Variants in POT1 observed in about 807,000 individuals in gnomAD.
POT1 encodes the protein protection of telomeres protein 1.
In POT1, 47 loss-of-function variants were observed where a neutral mutation model predicts 78.5. That is an observed-to-expected ratio of 0.60 (90% CI 0.47 to 0.76). The LOEUF (loss-of-function observed/expected upper bound fraction) is 0.76, where lower values mean the gene tolerates loss of function less well. Ranked by LOEUF, POT1 falls within the 30% of genes least tolerant of loss-of-function variation. The pLI is 0.00. For missense variants in POT1, 646 were observed against 749.9 expected (o/e 0.86, Z 1.62); for synonymous variants, 259 against 260.7 (o/e 0.99, Z 0.06).
intron 3 of POT1, among the ~76,000 whole-genome samples, chr7:124,902,726 A>C (rs6959244): frequency 0.63 from 95,055 of 152,038 alleles, 30,128 homozygotes; most frequent in African/African-American, 0.73. Flanking sequence ...AAGACACAGA[A>C]TGGCAAATTG....
At chr7:124,881,915 T>C (rs1423886765) in intron 6 of POT1, among the ~76,000 whole-genome samples, 1 of 152,038 alleles carries the variant, frequency 6.6e-6, no homozygotes, top group African/African-American at 2.4e-5. Context: ...GTGTTGTCTT[T>C]AATGCTTTAG....
intron 6 of POT1, among the ~76,000 whole-genome samples, chr7:124,879,496 A>C (rs756971897): frequency 1.3e-5 from 2 of 152,142 alleles, no homozygotes; most frequent in Non-Finnish European, 2.9e-5. Flanking sequence ...TAATACATTC[A>C]ATGAAATTTC....
intron 3 of POT1, among the ~76,000 whole-genome samples, chr7:124,908,924 C>A (rs1160298748): frequency 6.6e-6 from 1 of 151,780 alleles, no homozygotes; most frequent in East Asian, 1.9e-4. Flanking sequence ...ACCTTAGAGA[C>A]CATGTAATCA....
Position 124,897,196 on chromosome 7 carries a change from A to T in POT1, c.-23T>A. On this transcript the variant is annotated 5_prime_UTR_variant, in exon 5 of 19. The change abolishes the stop of an existing upstream ORF in the 5' untranslated region. Coordinates refer to ENST00000357628, the MANE Select transcript of POT1 (RefSeq NM_015450.3). ...CATTGATTCTGTAGAAAAATCTCTT[A>T]AAGATTTGACATAAACCTGAAGGAA... 5 of 1,442,478 alleles carry T rather than the reference A, an allele frequency of 3.5e-6. No individual in the cohort carries two copies. The highest frequency in any genetic ancestry group is 4.8e-6 in the Non-Finnish European group (5 of 1,041,504). The allele number at this position is 1,442,478 out of a possible 1,614,324, so 89.4% of individuals were successfully genotyped here.
chr7:124,875,167 T>C (rs1269441574), intron 6 of POT1, among the ~76,000 whole-genome samples: 1 of 152,164 alleles, frequency 6.6e-6, no homozygotes, highest in Non-Finnish European at 1.5e-5. Flanking sequence ...TTTTCCAAAA[T>C]AGAGAACACA....
chr7:124,889,220 G>T (rs555506505), intron 6 of POT1, among the ~76,000 whole-genome samples: 1 of 151,996 alleles, frequency 6.6e-6, no homozygotes, highest in Non-Finnish European at 1.5e-5. Flanking sequence ...AATTTTAGTC[G>T]TCTGCATAGA....
chr7:124,831,178 C>T (rs1395387975), intron 15 of POT1, among the ~76,000 whole-genome samples: 1 of 152,040 alleles, frequency 6.6e-6, no homozygotes, highest in Non-Finnish European at 1.5e-5. Context: ...AGACTAATAC[C>T]AAGTGTTGGA....
intron 5 of POT1, among the ~76,000 whole-genome samples, chr7:124,896,450 T>A (rs569172621): frequency 6.6e-6 from 1 of 151,878 alleles, no homozygotes; most frequent in South Asian, 2.1e-4. Flanking sequence ...CCCAAAAATA[T>A]TAATTATACT....
intron 15 of POT1, among the ~76,000 whole-genome samples, chr7:124,830,420 A>G (rs1413991194): frequency 1.3e-5 from 2 of 152,184 alleles, no homozygotes; most frequent in African/African-American, 4.8e-5. Context: ...ACCACATTAC[A>G]TCTTATACCC....
intron 14 of POT1, among the ~76,000 whole-genome samples, chr7:124,837,575 A>C (rs1288993967): frequency 6.6e-5 from 10 of 152,116 alleles, no homozygotes; most frequent in Admixed American, 6.5e-4. Context: ...AAATTAAATC[A>C]ATAATAATAA....
intron 6 of POT1, among the ~76,000 whole-genome samples, chr7:124,886,159 C>T (rs28622327): frequency 0.22 from 32,877 of 152,098 alleles, 3,988 homozygotes; most frequent in East Asian, 0.3. Context: ...GCTTCTATCA[C>T]ACTGAATTGA....
intron 14 of POT1, chr7:124,837,115 C>A: frequency 4.9e-6 from 1 of 204,576 alleles, no homozygotes; most frequent in Non-Finnish European, 1.1e-5. Flanking sequence ...GAATTTTTTT[C>A]TGACATTTAT....
At chr7:124,926,436 C>T (rs1184994574) in intron 2 of POT1, among the ~76,000 whole-genome samples, 3 of 152,028 alleles carry the variant, frequency 2.0e-5, no homozygotes, top group Admixed American at 1.3e-4. Context: ...AAAGAAAAAA[C>T]AGACATTGGG....
chr7:124,863,313 T>C (rs772718853), intron 8 of POT1, 37 bp downstream of exon 8: 1 of 1,566,216 alleles, frequency 6.4e-7, no homozygotes, highest in Non-Finnish European at 8.7e-7. Context: ...ATGTAAGTGG[T>C]GCTAACTTAT....
At chr7:124,890,946 A>G (rs1391508598) in intron 6 of POT1, among the ~76,000 whole-genome samples, 1 of 151,864 alleles carries the variant, frequency 6.6e-6, no homozygotes, top group Non-Finnish European at 1.5e-5. Context: ...ATACTGGAGA[A>G]TGTTCCATGT....
At chr7:124,910,675 A>G (rs894821239) in intron 3 of POT1, among the ~76,000 whole-genome samples, 11 of 152,138 alleles carry the variant, frequency 7.2e-5, no homozygotes, top group African/African-American at 2.6e-4. Flanking sequence ...GGATAGGAAA[A>G]GAAACAGAAA....
chr7:124,868,600 T>C (rs1288009442), intron 7 of POT1, among the ~76,000 whole-genome samples: 1 of 151,476 alleles, frequency 6.6e-6, no homozygotes, highest in African/African-American at 2.4e-5. Flanking sequence ...GTATGTTTTC[T>C]GACCACCACA....
intron 6 of POT1, among the ~76,000 whole-genome samples, chr7:124,883,484 T>G (rs1233330571): frequency 6.6e-6 from 1 of 152,074 alleles, no homozygotes; most frequent in Non-Finnish European, 1.5e-5. Context: ...AGAAAATAAA[T>G]AAGCAGTTTG....
intron 3 of POT1, among the ~76,000 whole-genome samples, chr7:124,906,382 T>G (rs1348352791): frequency 1.3e-5 from 2 of 150,748 alleles, no homozygotes; most frequent in Non-Finnish European, 2.9e-5. Flanking sequence ...AGGAAACTAT[T>G]GCAAGGACAG....
Sources: allele counts gnomAD v4.1 joint callset (sites outside exome capture counted in the v4.1 genomes callset), GRCh38; gene constraint gnomAD v4.1.1; transcripts MANE v1.5; gene names NCBI Gene and HGNC (gene_info 2026-07-23, HGNC 2026-07-21).